Variants in EYS observed in about 807,000 individuals in gnomAD.
EYS encodes the protein protein eyes shut homolog.
In EYS, 250 loss-of-function variants were observed where a neutral mutation model predicts 282.1. The ratio of observed to expected loss-of-function variants is 0.89; its 90% CI spans 0.80 to 0.98. The LOEUF (loss-of-function observed/expected upper bound fraction) is 0.98. Ranked by LOEUF, EYS falls within the 50% of genes least tolerant of loss-of-function variation. The pLI is 0.00. For synonymous variants in EYS, 1,355 were observed against 1,282.9 expected (o/e 1.06, Z -1.20); for missense variants, 4,016 against 3,709.0 (o/e 1.08, Z -2.15).
chr6:64,787,460 T>G (rs1284979059), intron 22 of EYS, among the ~76,000 whole-genome samples: 4 of 151,930 alleles, frequency 2.6e-5, no homozygotes, highest in Admixed American at 2.6e-4. Flanking sequence ...CTTTGTTTTT[T>G]TTTCTCTATG....
chr6:65,355,282 G>A (rs953766721), intron 8 of EYS, among the ~76,000 whole-genome samples: 1 of 144,992 alleles, frequency 6.9e-6, no homozygotes, highest in Non-Finnish European at 1.5e-5. Flanking sequence ...TCAGTGACTG[G>A]TCTACCAAAA....
At chr6:65,584,104 C>A (rs956855424) in intron 2 of EYS, among the ~76,000 whole-genome samples, 3 of 151,976 alleles carry the variant, frequency 2.0e-5, no homozygotes, top group Non-Finnish European at 2.9e-5. Flanking sequence ...AGAACCCCAG[C>A]CATCTATCTT....
At chr6:64,443,382 G>T (rs1359869461) in intron 26 of EYS, among the ~76,000 whole-genome samples, 1 of 152,176 alleles carries the variant, frequency 6.6e-6, no homozygotes, top group East Asian at 1.9e-4. Flanking sequence ...CCTTGTCTCA[G>T]ATGAGTCTTT....
chr6:64,643,116 C>CA (rs1246630012), intron 22 of EYS, among the ~76,000 whole-genome samples: 1 of 115,592 alleles, frequency 8.7e-6, no homozygotes, highest in Non-Finnish European at 1.8e-5. Context: ...ACTCCATCCC[C>CA]CCCCCCAAAA....
In EYS at chr6:64,852,983, A is replaced by T. The variant is rs550275310; in HGVS notation, c.2993-30161T>A. Reference sequence around the variant, plus strand: ...CTTAGGACACTAACCCAGAAAATATAGGAAAAGATAAGGCAGACCTACAGT... The same window carrying T: ...CTTAGGACACTAACCCAGAAAATATTGGAAAAGATAAGGCAGACCTACAGT... On this transcript the variant is annotated intron_variant, in intron 19 of 42. Coordinates refer to ENST00000503581, the MANE Select transcript of EYS (RefSeq NM_001142800.2). Among the ~76,000 whole-genome samples the T allele has an allele frequency of 5.1e-4, 77 of 152,310 alleles. 1 individual carries two copies. Among genetic ancestry groups the T allele is most frequent in the African/African-American group, 1.8e-3 (74 of 41,584 alleles).
chr6:64,164,530 C>G (rs893473212), intron 31 of EYS, among the ~76,000 whole-genome samples: 37 of 152,094 alleles, frequency 2.4e-4, no homozygotes, highest in African/African-American at 8.0e-4. Flanking sequence ...GCAATATCTC[C>G]TTTGCACTAT....
intron 12 of EYS, among the ~76,000 whole-genome samples, chr6:65,264,048 A>T (rs1767687790): frequency 6.6e-6 from 1 of 152,110 alleles, no homozygotes. Context: ...TTAGACATTT[A>T]AATTTTCTTT....
At chr6:64,292,653 TG>T (rs1301323179) in intron 30 of EYS, among the ~76,000 whole-genome samples, 1 of 151,988 alleles carries the variant, frequency 6.6e-6, no homozygotes, top group African/African-American at 2.4e-5. Flanking sequence ...CTGAAATATC[TG>T]ACCTCTTCTT....
At chr6:65,384,231 C>T (rs553640545) in intron 8 of EYS, among the ~76,000 whole-genome samples, 155 bp downstream of exon 8, 1 of 151,786 alleles carries the variant, frequency 6.6e-6, no homozygotes, top group East Asian at 1.9e-4. Context: ...TAAATTAAAA[C>T]CCCTATTGCT....
At chr6:65,451,712 A>G (rs1048160407) in intron 5 of EYS, among the ~76,000 whole-genome samples, 2 of 148,868 alleles carry the variant, frequency 1.3e-5, no homozygotes, top group East Asian at 3.9e-4. Flanking sequence ...TGTTTTTTTA[A>G]TTGCTACTTC....
Position 64,991,853 on chromosome 6 carries a change from A to G in EYS, c.2259+5729T>C, listed in dbSNP as rs142688330. Among the ~76,000 whole-genome samples the G allele has an allele frequency of 2.2e-4, 34 of 151,906 alleles. No individual in the cohort carries two copies. In the East Asian group the frequency reaches 4.6e-3, roughly 21 times the overall value. On this transcript the variant is annotated intron_variant, in intron 14 of 42. Transcript: ENST00000503581. ...ATTTTCCAAATTTTTCAGATCATCC[A>G]TTATTTCCTCTTTAAGGTACTAAAT... is the stretch of plus-strand genomic sequence containing the variant.
chr6:64,765,973 T>C (rs886711596), intron 22 of EYS, among the ~76,000 whole-genome samples: 1 of 152,126 alleles, frequency 6.6e-6, no homozygotes, highest in African/African-American at 2.4e-5. Context: ...ATTGAGCTAT[T>C]GGCACTATTT....
chr6:65,099,683 T>G (rs1774839455), intron 12 of EYS, among the ~76,000 whole-genome samples: 2 of 150,732 alleles, frequency 1.3e-5, no homozygotes. Flanking sequence ...TTATAAGTAT[T>G]TTGAAATATG....
intron 12 of EYS, among the ~76,000 whole-genome samples, chr6:65,137,616 G>A (rs1776057573): frequency 6.6e-6 from 1 of 152,068 alleles, no homozygotes; most frequent in Non-Finnish European, 1.5e-5. Context: ...CACTAAATTA[G>A]CTCATGTGAG....
intron 5 of EYS, among the ~76,000 whole-genome samples, chr6:65,445,647 GTAC>G (rs1768625665): frequency 6.6e-6 from 1 of 151,656 alleles, no homozygotes; most frequent in South Asian, 2.1e-4. Flanking sequence ...AATAAGATGT[GTAC>G]TAAGACACAG....
intron 12 of EYS, among the ~76,000 whole-genome samples, chr6:65,162,449 A>T (rs1444714297): frequency 2.0e-5 from 3 of 151,266 alleles, no homozygotes; most frequent in Non-Finnish European, 4.4e-5. Context: ...TTCTCAATTC[A>T]CATCAGTCAT....
chr6:64,457,683 T>C (rs192606735), intron 26 of EYS, among the ~76,000 whole-genome samples: 220 of 152,172 alleles, frequency 1.4e-3, no homozygotes, highest in Non-Finnish European at 8.8e-5. Context: ...ACTCTTTCTT[T>C]TGGTTTCCAT....
intron 32 of EYS, among the ~76,000 whole-genome samples, chr6:64,071,412 T>C (rs1771570974): frequency 6.6e-6 from 1 of 151,892 alleles, no homozygotes; most frequent in African/African-American, 2.4e-5. Flanking sequence ...ACTATTTTTT[T>C]ATCTACTTGT....
chr6:64,834,026 C>T (rs1025527138), intron 19 of EYS, among the ~76,000 whole-genome samples: 1 of 151,844 alleles, frequency 6.6e-6, no homozygotes, highest in African/African-American at 2.4e-5. Context: ...TGTTTATCCT[C>T]TCCAGGTTAG....
Sources: allele counts gnomAD v4.1 joint callset (sites outside exome capture counted in the v4.1 genomes callset), GRCh38; gene constraint gnomAD v4.1.1; transcripts MANE v1.5; gene names NCBI Gene and HGNC (gene_info 2026-07-23, HGNC 2026-07-21).